The following FHIT variants were observed in gnomAD, a reference collection of about 807,000 sequenced individuals.
FHIT encodes bis(5'-adenosyl)-triphosphatase.
In FHIT, 19 loss-of-function variants were observed where a neutral mutation model predicts 17.9. That is an observed-to-expected ratio of 1.06 (90% CI 0.74 to 1.56). The LOEUF is 1.56. FHIT is among the 40% of genes most tolerant of loss of function. The probability of loss-of-function intolerance (pLI) is 0.00; values close to 1 mark genes in which losing one functional copy is unlikely to be tolerated. For missense variants in FHIT, 248 were observed against 189.2 expected (o/e 1.31, Z -1.82); for synonymous variants, 81 against 69.7 (o/e 1.16, Z -0.81).
intron 8 of FHIT, among the ~76,000 whole-genome samples, chr3:59,873,223 C>T (rs1298423940): frequency 6.6e-6 from 1 of 152,156 alleles, no homozygotes; most frequent in Admixed American, 6.5e-5. Flanking sequence ...AAATCACTTT[C>T]ATAAAGCTTA....
intron 5 of FHIT, among the ~76,000 whole-genome samples, chr3:60,374,770 T>C (rs1404042419): frequency 6.6e-6 from 1 of 152,058 alleles, no homozygotes; most frequent in African/African-American, 2.4e-5. Context: ...ATTTAGAATA[T>C]TTTCTCAACG....
intron 5 of FHIT, among the ~76,000 whole-genome samples, chr3:60,120,651 A>C (rs1451028826): frequency 6.6e-6 from 1 of 152,076 alleles, no homozygotes; most frequent in African/African-American, 2.4e-5. Flanking sequence ...TTTTAAAGGA[A>C]GTATTTGAAC....
chr3:60,832,501 G>A (rs201034398), intron 3 of FHIT, among the ~76,000 whole-genome samples: 2 of 152,060 alleles, frequency 1.3e-5, no homozygotes, highest in East Asian at 3.9e-4. Context: ...GAAATACATA[G>A]GGATGCCCAG....
intron 5 of FHIT, among the ~76,000 whole-genome samples, chr3:60,143,252 A>G (rs998297606): frequency 2.0e-4 from 30 of 152,150 alleles, no homozygotes; most frequent in African/African-American, 7.0e-4. Context: ...ACACCTGTAT[A>G]TGGCCTCTGG....
At chr3:61,198,707 C>G (rs1203898399) in intron 2 of FHIT, among the ~76,000 whole-genome samples, 10 of 152,110 alleles carry the variant, frequency 6.6e-5, no homozygotes, top group Non-Finnish European at 1.3e-4. Flanking sequence ...CTTCCAGAGG[C>G]CTCACTTCCT....
chr3:59,942,824 T>C (rs973487787), intron 7 of FHIT, among the ~76,000 whole-genome samples: 7 of 151,882 alleles, frequency 4.6e-5, no homozygotes, highest in African/African-American at 1.5e-4. Context: ...TTTTTTTAAA[T>C]TATTTGTACA....
chr3:60,008,221 T>A (rs980397771), intron 7 of FHIT, among the ~76,000 whole-genome samples: 1 of 152,140 alleles, frequency 6.6e-6, no homozygotes, highest in African/African-American at 2.4e-5. Flanking sequence ...TCAGGGAGGC[T>A]GTTTGGATCT....
At chr3:60,395,405 C>T (rs1701397667) in intron 5 of FHIT, among the ~76,000 whole-genome samples, 1 of 152,146 alleles carries the variant, frequency 6.6e-6, no homozygotes, top group Non-Finnish European at 1.5e-5. Context: ...AGGCACCCAG[C>T]TTTTAGGCGG....
At chr3:60,378,461 G>T (rs1414970411) in intron 5 of FHIT, among the ~76,000 whole-genome samples, 3 of 152,108 alleles carry the variant, frequency 2.0e-5, no homozygotes, top group East Asian at 3.9e-4. Flanking sequence ...GGTACATGTG[G>T]CACTTTCATT....
At chr3:60,367,461 G>C (rs952452446) in intron 5 of FHIT, among the ~76,000 whole-genome samples, 2 of 152,090 alleles carry the variant, frequency 1.3e-5, no homozygotes, top group African/African-American at 4.8e-5. Flanking sequence ...AAAGATGTTG[G>C]AAAGTCTAAG....
At chr3:60,293,930 C>A (rs1708094475) in intron 5 of FHIT, among the ~76,000 whole-genome samples, 1 of 152,026 alleles carries the variant, frequency 6.6e-6, no homozygotes, top group Non-Finnish European at 1.5e-5. Context: ...GAGAACTGTG[C>A]CTCAGGAGGT....
At chr3:61,047,109 T>C (rs1480676001) in intron 2 of FHIT, among the ~76,000 whole-genome samples, 1 of 152,138 alleles carries the variant, frequency 6.6e-6, no homozygotes, top group Non-Finnish European at 1.5e-5. Flanking sequence ...CTTTCACCAA[T>C]CCTGTTGGAA....
intron 3 of FHIT, among the ~76,000 whole-genome samples, chr3:60,951,017 T>C (rs1361145093): frequency 2.0e-5 from 3 of 152,224 alleles, no homozygotes; most frequent in South Asian, 2.1e-4. Flanking sequence ...CTCTAGATTA[T>C]CCTCTAAAGA....
At chr3:59,820,132 C>T (rs1033877526) in intron 8 of FHIT, among the ~76,000 whole-genome samples, 1 of 152,186 alleles carries the variant, frequency 6.6e-6, no homozygotes, top group Non-Finnish European at 1.5e-5. Context: ...CAGGAATGGA[C>T]TAAGACAATG....
intron 1 of FHIT, among the ~76,000 whole-genome samples, chr3:61,213,036 A>C (rs1024979749): frequency 3.3e-5 from 5 of 152,248 alleles, no homozygotes; most frequent in African/African-American, 1.2e-4. Flanking sequence ...AACCAGTACC[A>C]GCCACTGCAA....
chr3:60,665,240 G>C (rs1191756120), intron 4 of FHIT, among the ~76,000 whole-genome samples: 1 of 151,980 alleles, frequency 6.6e-6, no homozygotes, highest in Non-Finnish European at 1.5e-5. Flanking sequence ...GAGATAAAAA[G>C]TATATTCTGC....
chr3:61,065,790 AG>A (rs1310148609), intron 2 of FHIT, among the ~76,000 whole-genome samples: 5 of 152,152 alleles, frequency 3.3e-5, no homozygotes, highest in Non-Finnish European at 7.3e-5. Context: ...TGAATATACA[AG>A]CTTTTATTCT....
At chr3:60,247,082 G>A (rs1705434812) in intron 5 of FHIT, among the ~76,000 whole-genome samples, 2 of 152,106 alleles carry the variant, frequency 1.3e-5, no homozygotes, top group Non-Finnish European at 2.9e-5. Context: ...TCAATGATGT[G>A]TCAGCTCATC....
chr3:60,389,504 A>G (rs1701141316), intron 5 of FHIT, among the ~76,000 whole-genome samples: 1 of 152,140 alleles, frequency 6.6e-6, no homozygotes, highest in African/African-American at 2.4e-5. Flanking sequence ...ACTACCTAAC[A>G]GCTTCTAAAA....
Sources: allele counts gnomAD v4.1 joint callset (sites outside exome capture counted in the v4.1 genomes callset), GRCh38; gene constraint gnomAD v4.1.1; transcripts MANE v1.5; gene names NCBI Gene and HGNC (gene_info 2026-07-23, HGNC 2026-07-21).